The following GALNT17 variants were observed in gnomAD, a reference collection of about 807,000 sequenced individuals.
GALNT17 encodes polypeptide N-acetylgalactosaminyltransferase 17.
In GALNT17, 29 loss-of-function variants were observed where a neutral mutation model predicts 63.7. The observed-to-expected ratio is 0.46, with a 90% CI of 0.34 to 0.62. The LOEUF is 0.62. GALNT17 is among the 20% of genes least tolerant of loss of function. The probability of loss-of-function intolerance (pLI) is 0.01; values close to 1 mark genes in which losing one functional copy is unlikely to be tolerated. For synonymous variants in GALNT17, 305 were observed against 318.3 expected, an observed-to-expected ratio of 0.96 and a Z score of 0.45; for missense variants, 603 against 799.6, an observed-to-expected ratio of 0.75 and a Z score of 2.97.
intron 1 of GALNT17, among the ~76,000 whole-genome samples, chr7:71,222,572 G>A (rs1482595158): frequency 6.6e-6 from 1 of 152,178 alleles, no homozygotes; most frequent in Admixed American, 6.5e-5. Flanking sequence ...GATTATAGGA[G>A]TTAGCCATCG....
intron 9 of GALNT17, among the ~76,000 whole-genome samples, chr7:71,707,736 A>AC (rs1791740775): frequency 6.6e-6 from 1 of 152,200 alleles, no homozygotes; most frequent in Non-Finnish European, 1.5e-5. Flanking sequence ...TGGTTGGGCC[A>AC]CATGACTCTC....
At position 71,345,630 on chromosome 7, in the gene GALNT17, C is replaced by A. The variant is rs1052335635; in HGVS notation, c.422+9897C>A. Among the ~76,000 whole-genome samples, 8 of 152,098 alleles carry A rather than the reference C, an allele frequency of 5.3e-5. No homozygotes were observed. The East Asian group carries it at 1.5e-3, about 29-fold the overall frequency. ...CTGACCATGGGTATTTGAGAATCAT[C>A]CAACTCCAGTGGGTATTTTAGGTTG... On this transcript the variant is annotated intron_variant, in intron 2 of 10. Coordinates refer to ENST00000333538, the MANE Select transcript of GALNT17 (RefSeq NM_022479.3).
chr7:71,411,873 C>G (rs1450281082), intron 3 of GALNT17, among the ~76,000 whole-genome samples: 4 of 152,182 alleles, frequency 2.6e-5, no homozygotes, highest in African/African-American at 9.6e-5. Flanking sequence ...ACCTTCTCAC[C>G]CACAGAGGCT....
intron 1 of GALNT17, among the ~76,000 whole-genome samples, chr7:71,223,548 C>T (rs1789625778): frequency 6.6e-6 from 1 of 151,556 alleles, no homozygotes; most frequent in Non-Finnish European, 1.5e-5. Flanking sequence ...TTAACTTTTT[C>T]TTTTTTAAAA....
chr7:71,533,302 T>C (rs1039236256), intron 5 of GALNT17, among the ~76,000 whole-genome samples: 9 of 152,254 alleles, frequency 5.9e-5, no homozygotes, highest in Non-Finnish European at 1.2e-4. Flanking sequence ...TATGAGACGA[T>C]GTATTCTTGC....
At chr7:71,379,545 G>A (rs898201168) in intron 2 of GALNT17, among the ~76,000 whole-genome samples, 1 of 152,052 alleles carries the variant, frequency 6.6e-6, no homozygotes, top group African/African-American at 2.4e-5. Flanking sequence ...GAACTAAGGC[G>A]GTAGCAATGG....
At chr7:71,193,041 A>G (rs1005548516) in intron 1 of GALNT17, among the ~76,000 whole-genome samples, 3 of 152,024 alleles carry the variant, frequency 2.0e-5, no homozygotes, top group Non-Finnish European at 4.4e-5. Context: ...GAGAGAATGC[A>G]TCTTGGTCTT....
chr7:71,544,124 CTTTTTT>C (rs60144462), intron 5 of GALNT17, among the ~76,000 whole-genome samples: 1 of 132,440 alleles, frequency 7.6e-6, no homozygotes. Context: ...TTTCTTTTTT[CTTTTTT>C]TTTTTTTTTT....
At chr7:71,580,590 G>A (rs2116898040) in intron 6 of GALNT17, among the ~76,000 whole-genome samples, 1 of 152,284 alleles carries the variant, frequency 6.6e-6, no homozygotes, top group African/African-American at 2.4e-5. Context: ...GTACACTCAG[G>A]AAAAGCTGGT....
intron 5 of GALNT17, among the ~76,000 whole-genome samples, chr7:71,530,491 C>T (rs555693712): frequency 1.3e-3 from 204 of 152,162 alleles, no homozygotes; most frequent in African/African-American, 4.7e-3. Flanking sequence ...TTGTCAACAC[C>T]GATTGCACAA....
intron 5 of GALNT17, among the ~76,000 whole-genome samples, chr7:71,520,867 G>A (rs1788519409): frequency 6.6e-6 from 1 of 152,170 alleles, no homozygotes; most frequent in Admixed American, 6.6e-5. Flanking sequence ...AGGAGAGGAG[G>A]GACAGGAGTA....
Position 71,336,569 on chromosome 7 carries a change from C to T in GALNT17, c.422+836C>T, listed in dbSNP as rs907757189. Among the ~76,000 whole-genome samples the T allele has an allele frequency of 3.3e-5, 5 of 152,154 alleles. 1 individual carries two copies. Among genetic ancestry groups the T allele is most frequent in the South Asian group, 4.2e-4 (2 of 4,812 alleles). On this transcript the variant is annotated intron_variant, in intron 2 of 10. Coordinates refer to ENST00000333538, the MANE Select transcript of GALNT17 (RefSeq NM_022479.3). Reference sequence around the variant, plus strand: ...TCCATGTGTACTCGTCGTTTAGCCCCGACTTATAAGTGAGAACTGGTGGTA... The same window carrying T: ...TCCATGTGTACTCGTCGTTTAGCCCTGACTTATAAGTGAGAACTGGTGGTA...
intron 1 of GALNT17, among the ~76,000 whole-genome samples, chr7:71,137,092 C>T (rs1004198492): frequency 2.8e-5 from 4 of 143,578 alleles, no homozygotes; most frequent in African/African-American, 1.0e-4. Flanking sequence ...GAGGTGTGAG[C>T]CACAGCGCCT....
intron 1 of GALNT17, among the ~76,000 whole-genome samples, chr7:71,134,098 G>A: frequency 6.6e-6 from 1 of 152,228 alleles, no homozygotes; most frequent in South Asian, 2.1e-4. Context: ...CCACAGAGGG[G>A]AAATGAGAAG....
intron 6 of GALNT17, among the ~76,000 whole-genome samples, chr7:71,619,103 T>A (rs1790256844): frequency 6.6e-6 from 1 of 152,224 alleles, no homozygotes; most frequent in African/African-American, 2.4e-5. Flanking sequence ...GCAGCCTTTT[T>A]AAAGATCAGA....
At chr7:71,210,400 G>A (rs1789354330) in intron 1 of GALNT17, among the ~76,000 whole-genome samples, 1 of 152,124 alleles carries the variant, frequency 6.6e-6, no homozygotes, top group Non-Finnish European at 1.5e-5. Context: ...GCCTCCCAAA[G>A]TGCCAGGATT....
chr7:71,497,062 ATCTC>A, intron 5 of GALNT17, among the ~76,000 whole-genome samples: 1 of 152,216 alleles, frequency 6.6e-6, no homozygotes, highest in South Asian at 2.1e-4. Context: ...GAGACCCTGA[ATCTC>A]TCTCTCTAAA....
intron 9 of GALNT17, among the ~76,000 whole-genome samples, chr7:71,700,709 C>T (rs1347935292): frequency 6.6e-6 from 1 of 152,210 alleles, no homozygotes; most frequent in Non-Finnish European, 1.5e-5. Context: ...CTGACTCCAT[C>T]AGGGCTTGAC....
chr7:71,560,684 A>G (rs114697812), intron 5 of GALNT17, among the ~76,000 whole-genome samples: 2,026 of 152,284 alleles, frequency 0.013, 41 homozygotes, highest in African/African-American at 0.046. Flanking sequence ...AGTTCACTTG[A>G]GTTCATCTAT....
Sources: allele counts gnomAD v4.1 joint callset (sites outside exome capture counted in the v4.1 genomes callset), GRCh38; gene constraint gnomAD v4.1.1; transcripts MANE v1.5; gene names NCBI Gene and HGNC (gene_info 2026-07-23, HGNC 2026-07-21).